Variants in ZNF385D observed in about 807,000 individuals in gnomAD.
ZNF385D encodes zinc finger protein 385D.
In ZNF385D, 15 loss-of-function variants were observed where a neutral mutation model predicts 35.8. The observed-to-expected ratio is 0.42, with a 90% CI of 0.28 to 0.64. The LOEUF is 0.64. Among genes scored for constraint, ZNF385D ranks in the 30% least tolerant of loss-of-function variants. The pLI is 0.23. For synonymous variants in ZNF385D, 212 were observed against 186.8 expected (o/e 1.13, Z -1.10); for missense variants, 474 against 494.6 (o/e 0.96, Z 0.39).
At chr3:21,794,159 C>T (rs112543398) in intron 3 of ZNF385D, among the ~76,000 whole-genome samples, 294 of 152,220 alleles carry the variant, frequency 1.9e-3, no homozygotes, top group African/African-American at 6.6e-3. Context: ...CCAAGGAAGG[C>T]ACCTGATCTC....
chr3:22,321,199 CTCTTT>C (rs1205122039), intron 2 of ZNF385D, among the ~76,000 whole-genome samples: 4 of 50,570 alleles, frequency 7.9e-5, no homozygotes, highest in African/African-American at 3.1e-4. Flanking sequence ...TTTCTGGCAT[CTCTTT>C]TATCTCTTTT....
chr3:22,308,649 G>A (rs1437280712), intron 2 of ZNF385D, among the ~76,000 whole-genome samples: 1 of 152,018 alleles, frequency 6.6e-6, no homozygotes, highest in African/African-American at 2.4e-5. Context: ...GAGTTACTGA[G>A]ATTAGAGTTT....
intron 3 of ZNF385D, among the ~76,000 whole-genome samples, chr3:21,844,007 C>G (rs946674564): frequency 6.6e-6 from 1 of 151,822 alleles, no homozygotes; most frequent in Non-Finnish European, 1.5e-5. Context: ...GCAAGTAATG[C>G]GTCACACAAA....
intron 2 of ZNF385D, among the ~76,000 whole-genome samples, chr3:22,344,703 T>A (rs1247002212): frequency 2.0e-5 from 3 of 152,208 alleles, no homozygotes; most frequent in Non-Finnish European, 4.4e-5. Flanking sequence ...ACTACAGGCA[T>A]GAGCCACTGC....
At chr3:21,830,749 A>AT (rs1294998534) in intron 3 of ZNF385D, among the ~76,000 whole-genome samples, 1 of 152,166 alleles carries the variant, frequency 6.6e-6, no homozygotes, top group Admixed American at 6.5e-5. Flanking sequence ...GTGCCTGGAA[A>AT]TTTTGCTTGC....
intron 3 of ZNF385D, among the ~76,000 whole-genome samples, chr3:21,893,523 T>G (rs1023934228): frequency 6.6e-6 from 1 of 152,194 alleles, no homozygotes; most frequent in South Asian, 2.1e-4. Context: ...TTAACTAGCC[T>G]TTATGTGAAA....
At chr3:21,790,811 T>C (rs748030563) in intron 3 of ZNF385D, among the ~76,000 whole-genome samples, 5 of 152,244 alleles carry the variant, frequency 3.3e-5, no homozygotes, top group Non-Finnish European at 5.9e-5. Context: ...AGTTTCCTTA[T>C]TATTGAAGTT....
intron 1 of ZNF385D, among the ~76,000 whole-genome samples, chr3:21,747,568 A>C (rs1210163215): frequency 2.6e-5 from 4 of 152,188 alleles, no homozygotes; most frequent in Non-Finnish European, 5.9e-5. Context: ...CGACTCACCT[A>C]TCCAGCAGTG....
At chr3:22,007,328 T>C (rs932618319) in intron 3 of ZNF385D, among the ~76,000 whole-genome samples, 21 of 152,242 alleles carry the variant, frequency 1.4e-4, no homozygotes, top group African/African-American at 4.8e-4. Context: ...TCTCATACAT[T>C]CTTTTTAACA....
At chr3:21,993,288 C>G (rs530734193) in intron 3 of ZNF385D, among the ~76,000 whole-genome samples, 1 of 152,144 alleles carries the variant, frequency 6.6e-6, no homozygotes, top group African/African-American at 2.4e-5. Flanking sequence ...AATTGTAACA[C>G]TATTTGGGAT....
chr3:21,877,684 G>A (rs1698055315), intron 3 of ZNF385D, among the ~76,000 whole-genome samples: 1 of 152,006 alleles, frequency 6.6e-6, no homozygotes, highest in Non-Finnish European at 1.5e-5. Flanking sequence ...GGCCTGCAGT[G>A]AAATGTGTGA....
intron 3 of ZNF385D, among the ~76,000 whole-genome samples, chr3:21,963,813 C>CA (rs1376837706): frequency 6.6e-6 from 1 of 151,848 alleles, no homozygotes; most frequent in Admixed American, 6.6e-5. Flanking sequence ...AAATTAAAAG[C>CA]AACAACTTGT....
intron 2 of ZNF385D, among the ~76,000 whole-genome samples, chr3:22,223,300 G>T (rs1226074352): frequency 6.6e-6 from 1 of 152,044 alleles, no homozygotes; most frequent in Non-Finnish European, 1.5e-5. Flanking sequence ...TATCTCGGTT[G>T]TTTGTTGTAT....
intron 3 of ZNF385D, among the ~76,000 whole-genome samples, chr3:21,890,112 T>TA (rs1165128939): frequency 1.3e-5 from 2 of 152,116 alleles, no homozygotes; most frequent in Admixed American, 6.5e-5. Flanking sequence ...GCTTCAAACA[T>TA]ATATATATCT....
intron 1 of ZNF385D, among the ~76,000 whole-genome samples, chr3:21,708,000 T>C (rs1283425839): frequency 6.6e-6 from 1 of 152,188 alleles, no homozygotes; most frequent in Non-Finnish European, 1.5e-5. Context: ...ACTACGGGCA[T>C]GTAGGACTTT....
chr3:22,280,087 G>A (rs1412803058), intron 2 of ZNF385D, among the ~76,000 whole-genome samples: 1 of 152,052 alleles, frequency 6.6e-6, no homozygotes, highest in Non-Finnish European at 1.5e-5. Context: ...CTTCTTTTGT[G>A]AATTGTCTAT....
intron 3 of ZNF385D, among the ~76,000 whole-genome samples, chr3:22,106,294 C>T (rs1341668683): frequency 6.6e-6 from 1 of 152,092 alleles, no homozygotes; most frequent in African/African-American, 2.4e-5. Context: ...CTATTCTACA[C>T]AACACTTGGA....
chr3:21,809,001 T>A (rs1370881285), intron 3 of ZNF385D, among the ~76,000 whole-genome samples: 5 of 152,196 alleles, frequency 3.3e-5, no homozygotes, highest in African/African-American at 1.2e-4. Context: ...GCCCGCATGC[T>A]ATAAGAAAAG....
chr3:21,949,344 C>T (rs545827371), intron 3 of ZNF385D, among the ~76,000 whole-genome samples: 1 of 151,974 alleles, frequency 6.6e-6, no homozygotes, highest in East Asian at 1.9e-4. Flanking sequence ...ACTTGAGAAC[C>T]TGTGTTTCAT....
Sources: gnomAD v4.1 joint callset for allele counts (sites outside exome capture counted in the v4.1 genomes callset) on GRCh38, gnomAD v4.1.1 for gene constraint, MANE v1.5 for transcripts, NCBI Gene and HGNC (gene_info 2026-07-23, HGNC 2026-07-21) for gene names.